The following PCDHGB4 variants were observed in gnomAD, a reference collection of about 807,000 sequenced individuals.
PCDHGB4 encodes the protein protocadherin gamma-B4.
In PCDHGB4, 38 loss-of-function variants were observed where a neutral mutation model predicts 60.5. That is an observed-to-expected ratio of 0.63 (90% CI 0.48 to 0.82). The LOEUF (loss-of-function observed/expected upper bound fraction) is 0.82, where lower values mean the gene tolerates loss of function less well. Ranked by LOEUF, PCDHGB4 falls within the 40% of genes least tolerant of loss-of-function variation. PCDHGB4 has a pLI of 0.00. For synonymous variants in PCDHGB4, 456 were observed against 509.7 expected (o/e 0.89, Z 1.42); for missense variants, 1,109 against 1,209.6 (o/e 0.92, Z 1.23).
chr5:141,405,835 A>C (rs2094724459), intron 1 of PCDHGB4, among the ~76,000 whole-genome samples: 1 of 152,178 alleles, frequency 6.6e-6, no homozygotes, highest in African/African-American at 2.4e-5. Flanking sequence ...AGGTAGTATA[A>C]GTTGATATCA....
intron 1 of PCDHGB4, chr5:141,393,407 CG>C: frequency 5.0e-6 from 8 of 1,614,056 alleles, no homozygotes; most frequent in Non-Finnish European, 6.8e-6. Context: ...TGCTGGAGCG[CG>C]CCCTGGACAG....
In PCDHGB4 at chr5:141,495,640, G is replaced by A. The variant is rs149177775; in HGVS notation, c.2456+775G>A. 1.2e-3 allele frequency among the ~76,000 whole-genome samples: 177 copies of A among 152,150 alleles called. 1 individual carries two copies. The highest frequency in any genetic ancestry group is 4.1e-3 in the African/African-American group (171 of 41,498). ...ACCTCAGCCTCAGTCCCTTTCATTT[G>A]TCTACTTGCATTGATCTGTGCCGCC... On this transcript the variant is annotated intron_variant, in intron 2 of 3. Transcript: ENST00000519479.
chr5:141,409,096 A>C, intron 1 of PCDHGB4: 1 of 1,614,074 alleles, frequency 6.2e-7, no homozygotes, highest in African/African-American at 1.3e-5. Context: ...ATGAGAAAAC[A>C]GGTATGATTA....
intron 1 of PCDHGB4, among the ~76,000 whole-genome samples, chr5:141,451,873 C>A (rs1425706652): frequency 1.3e-5 from 2 of 151,830 alleles, no homozygotes; most frequent in East Asian, 3.9e-4. Context: ...AGAATGAAAC[C>A]CTGTCAAGAA....
chr5:141,441,150 T>C (rs1421773650), intron 1 of PCDHGB4: 4 of 152,122 alleles, frequency 2.6e-5, no homozygotes, highest in African/African-American at 7.2e-5. Context: ...ATAATGACAA[T>C]ATCCTAGAGG....
At chr5:141,472,980 C>CAAAAAAAAAAAAAAAAAAAAAA (rs60579131) in intron 1 of PCDHGB4, among the ~76,000 whole-genome samples, 6 of 86,102 alleles carry the variant, frequency 7.0e-5, no homozygotes, top group African/African-American at 1.2e-4. Flanking sequence ...GAGTGAAACT[C>CAAAAAAAAAAAAAAAAAAAAAA]AAAAAAAAAA....
chr5:141,423,026 G>T (rs1333695085), intron 1 of PCDHGB4: 1 of 1,614,210 alleles, frequency 6.2e-7, no homozygotes, highest in Admixed American at 1.7e-5. Context: ...AAAGATTCAG[G>T]CCAGAACGCC....
chr5:141,507,559 G>T (rs542787142), intron 3 of PCDHGB4, among the ~76,000 whole-genome samples: 1 of 152,368 alleles, frequency 6.6e-6, no homozygotes, highest in African/African-American at 2.4e-5. Flanking sequence ...GTGGCAGGCG[G>T]CTGGGTCTGA....
chr5:141,393,879 G>A, intron 1 of PCDHGB4: 1 of 1,614,010 alleles, frequency 6.2e-7, no homozygotes, highest in Non-Finnish European at 8.5e-7. Context: ...GTTTAGCCCA[G>A]TGTTAGAAAA....
intron 1 of PCDHGB4, among the ~76,000 whole-genome samples, chr5:141,444,703 T>A (rs963617867): frequency 6.6e-6 from 1 of 152,248 alleles, no homozygotes; most frequent in Non-Finnish European, 1.5e-5. Context: ...TTCCTCTTTC[T>A]GTTGAATTTG....
At chr5:141,463,324 T>C (rs1413608053) in intron 1 of PCDHGB4, among the ~76,000 whole-genome samples, 1 of 150,722 alleles carries the variant, frequency 6.6e-6, no homozygotes, top group Non-Finnish European at 1.5e-5. Context: ...ATTCCTCAAC[T>C]CAGCAAAACC....
intron 1 of PCDHGB4, chr5:141,409,634 G>GGA (rs766487639): frequency 1.2e-6 from 2 of 1,613,720 alleles, no homozygotes; most frequent in African/African-American, 2.7e-5. Flanking sequence ...GAGCGCCTCT[G>GGA]ACCCGGATTT....
chr5:141,510,428 G>A (rs1254357998), intron 3 of PCDHGB4, among the ~76,000 whole-genome samples: 2 of 152,092 alleles, frequency 1.3e-5, no homozygotes, highest in African/African-American at 4.8e-5. Flanking sequence ...TGGTTTCATG[G>A]CTGCTGCCCT....
intron 1 of PCDHGB4, among the ~76,000 whole-genome samples, chr5:141,466,436 G>A (rs181613158): frequency 1.3e-5 from 2 of 152,270 alleles, no homozygotes; most frequent in East Asian, 1.9e-4. Context: ...AAGCTGAACC[G>A]AGATGTCTAT....
intron 1 of PCDHGB4, among the ~76,000 whole-genome samples, chr5:141,449,543 C>T (rs377524476): frequency 2.7e-5 from 4 of 147,148 alleles, no homozygotes; most frequent in Non-Finnish European, 4.5e-5. Context: ...GAGCCGAGAT[C>T]GCACCACTGC....
Position 141,491,466 on chromosome 5 carries a change from T to G in PCDHGB4, c.2398-3341T>G. The G allele has an allele frequency of 6.2e-7, 1 of 1,614,068 alleles. No individual in the cohort carries two copies. Among genetic ancestry groups the G allele is most frequent in the Non-Finnish European group, 8.5e-7 (1 of 1,179,986 alleles). ...AGGACTCACCCTCCCCGGACTTCTA[T>G]AAGCAGTCCAGCCCCAACCTGCAGG... On this transcript the variant is annotated intron_variant, in intron 1 of 3. Coordinates refer to ENST00000519479, the MANE Select transcript of PCDHGB4 (RefSeq NM_003736.4). This position sits in a 1 kb window ranked among gnomAD's most constrained non-coding sequence, Gnocchi z 6.9.
At chr5:141,450,898 C>T (rs929869116) in intron 1 of PCDHGB4, among the ~76,000 whole-genome samples, 12 of 150,412 alleles carry the variant, frequency 8.0e-5, no homozygotes, top group African/African-American at 2.9e-4. Context: ...GATATCGGCT[C>T]ACTGCAACCG....
At position 141,431,211 on chromosome 5, in the gene PCDHGB4, G is replaced by C. The variant is rs1054638121; in HGVS notation, c.2397+40930G>C. Reference sequence around the variant, plus strand: ...AGTGAAAATGCAGCCACTGAGATGCGGTTCCCTCTACCCCACGCCTGGGAT... The same window carrying C: ...AGTGAAAATGCAGCCACTGAGATGCCGTTCCCTCTACCCCACGCCTGGGAT... On this transcript the variant is annotated intron_variant, in intron 1 of 3. Coordinates refer to ENST00000519479, the MANE Select transcript of PCDHGB4 (RefSeq NM_003736.4). This position sits in a 1 kb window ranked among gnomAD's most constrained non-coding sequence, Gnocchi z 4.8. 1.2e-6 allele frequency: 2 copies of C among 1,614,122 alleles called. No individual in the cohort carries two copies. Among genetic ancestry groups the C allele is most frequent in the Non-Finnish European group, 1.7e-6 (2 of 1,180,036 alleles).
chr5:141,505,078 C>G (rs535590642), intron 2 of PCDHGB4, among the ~76,000 whole-genome samples: 81 of 152,298 alleles, frequency 5.3e-4, no homozygotes, highest in African/African-American at 2.0e-3. Flanking sequence ...AGGAGAATCG[C>G]TTGAACCCAG....
Sources: allele counts gnomAD v4.1 joint callset (sites outside exome capture counted in the v4.1 genomes callset), GRCh38; gene constraint gnomAD v4.1.1; non-coding constraint Gnocchi (gnomAD v3.1); transcripts MANE v1.5; gene names NCBI Gene and HGNC (gene_info 2026-07-23, HGNC 2026-07-21).